Variants in GKAP1 observed in about 807,000 individuals in gnomAD.
GKAP1 encodes G kinase anchoring protein 1, also known as G kinase-anchoring protein 1.
GKAP1 carries 31 observed loss-of-function variants against 56.7 expected under a neutral mutation model. The observed-to-expected ratio is 0.55, with a 90% CI of 0.41 to 0.74. GKAP1 has a LOEUF of 0.74. Among genes scored for constraint, GKAP1 ranks in the 30% least tolerant of loss-of-function variants. The probability of loss-of-function intolerance (pLI) is 0.00; values close to 1 mark genes in which losing one functional copy is unlikely to be tolerated. For synonymous variants in GKAP1, 151 were observed against 138.6 expected (o/e 1.09, Z -0.63); for missense variants, 364 against 402.3 (o/e 0.90, Z 0.82).
Position 83,816,014 on chromosome 9 carries a change from C to T in GKAP1, c.-44+982G>A, listed in dbSNP as rs148300077. On this transcript the variant is annotated intron_variant, in intron 2 of 12. Transcript: ENST00000376371. ...CAGCCTGGCCAACAAGGCGAAACACCGTCTGTATTAAAAATACAAAAAAAA... is the reference window on the plus strand; with the variant it reads ...CAGCCTGGCCAACAAGGCGAAACACTGTCTGTATTAAAAATACAAAAAAAA... 5.8e-3 allele frequency among the ~76,000 whole-genome samples: 783 copies of T among 136,116 alleles called. 7 individuals are homozygous for T. Among genetic ancestry groups the T allele is most frequent in the African/African-American group, 0.02 (705 of 34,426 alleles). 89.3% of individuals were successfully genotyped at this position (136,116 alleles called of 152,430 possible).
chr9:83,771,952 C>A (rs796660790), intron 7 of GKAP1, among the ~76,000 whole-genome samples: 9 of 148,406 alleles, frequency 6.1e-5, no homozygotes, highest in Middle Eastern at 6.9e-3. Context: ...TCACAAAGGG[C>A]ATTCTGTCCC....
intron 7 of GKAP1, among the ~76,000 whole-genome samples, chr9:83,771,234 TTTG>T (rs1416993021): frequency 8.8e-6 from 1 of 114,222 alleles, no homozygotes; most frequent in African/African-American, 3.0e-5. Flanking sequence ...GGCTAATTTT[TTTG>T]TTGTTTGTTT....
At chr9:83,817,321 GC>G (rs1170682052) in intron 1 of GKAP1, 194 bp from the exon 2 acceptor site, 2 of 151,924 alleles carry the variant, frequency 1.3e-5, no homozygotes, top group Non-Finnish European at 2.9e-5. Flanking sequence ...GCCGCCCCGA[GC>G]CTTGCGCCGA....
intron 3 of GKAP1, among the ~76,000 whole-genome samples, chr9:83,800,906 C>T (rs1419967986): frequency 6.6e-6 from 1 of 152,204 alleles, no homozygotes; most frequent in Non-Finnish European, 1.5e-5. Flanking sequence ...TGAATCTATT[C>T]TGGTTCTGGG....
intron 10 of GKAP1, among the ~76,000 whole-genome samples, chr9:83,745,232 T>C (rs7048546): frequency 0.56 from 85,628 of 151,832 alleles, 24,744 homozygotes; most frequent in Admixed American, 0.7. Flanking sequence ...CAAGGTTTTG[T>C]CATGTTGCCC....
At chr9:83,811,038 TTA>T (rs1944499302) in intron 2 of GKAP1, among the ~76,000 whole-genome samples, 1 of 152,210 alleles carries the variant, frequency 6.6e-6, no homozygotes, top group African/African-American at 2.4e-5. Flanking sequence ...AAATACCACT[TTA>T]TATATGTCCA....
chr9:83,775,010 T>C (rs1271236698), intron 7 of GKAP1, among the ~76,000 whole-genome samples: 1 of 99,058 alleles, frequency 1.0e-5, no homozygotes, highest in African/African-American at 3.2e-5. Flanking sequence ...CCCGGCCCCT[T>C]CTTTTTTTTT....
chr9:83,797,119 G>A (rs959227387), intron 4 of GKAP1, among the ~76,000 whole-genome samples: 1 of 152,308 alleles, frequency 6.6e-6, no homozygotes, highest in Middle Eastern at 3.4e-3. Context: ...ATCTGGTTAG[G>A]TGTTTAATTC....
chr9:83,769,924 T>C (rs1943728177), intron 7 of GKAP1, among the ~76,000 whole-genome samples: 1 of 152,250 alleles, frequency 6.6e-6, no homozygotes, highest in Admixed American at 6.5e-5. Flanking sequence ...TGCTATCTCA[T>C]TGCGGTTTTC....
intron 9 of GKAP1, among the ~76,000 whole-genome samples, chr9:83,752,764 A>G (rs1943412046): frequency 6.6e-6 from 1 of 152,130 alleles, no homozygotes; most frequent in African/African-American, 2.4e-5. Flanking sequence ...ACCACAATAA[A>G]GTGGATTTTT....
chr9:83,779,511 GTA>G (rs1189340369), intron 7 of GKAP1, among the ~76,000 whole-genome samples: 7 of 104,704 alleles, frequency 6.7e-5, no homozygotes, highest in South Asian at 3.0e-4. Flanking sequence ...ACATATATGT[GTA>G]TATATATACA....
intron 6 of GKAP1, among the ~76,000 whole-genome samples, chr9:83,784,256 GA>G (rs1296979836): frequency 6.7e-6 from 1 of 149,918 alleles, no homozygotes; most frequent in Non-Finnish European, 1.5e-5. Flanking sequence ...TACAGAGTGA[GA>G]CTCCATCTAA....
chr9:83,766,989 C>G lies in GKAP1; in HGVS notation c.738+1829G>C, dbSNP rs755594918. ...CATGGGGACATTAGTGAAATTACTA[C>G]AAGTTTCAAGCTAGGAGAATTGATG... On this transcript the variant is annotated intron_variant, in intron 8 of 12. Transcript: ENST00000376371. Among the ~76,000 whole-genome samples the G allele has an allele frequency of 5.3e-5, 8 of 152,134 alleles. No individual in the cohort carries two copies. In the South Asian group the frequency reaches 1.7e-3, roughly 31 times the overall value.
chr9:83,748,225 G>C, intron 10 of GKAP1, 84 bp downstream of exon 10: 2 of 862,138 alleles, frequency 2.3e-6, no homozygotes, highest in Non-Finnish European at 3.7e-6. Flanking sequence ...CTTTTGTTGA[G>C]TTGGTAAATC....
intron 7 of GKAP1, among the ~76,000 whole-genome samples, chr9:83,772,702 T>C (rs1203714928): frequency 2.6e-5 from 4 of 152,160 alleles, no homozygotes; most frequent in Admixed American, 6.6e-5. Context: ...ATGTATCTGA[T>C]AGAGGACTTG....
intron 10 of GKAP1, 40 bp from the exon 11 acceptor site, chr9:83,742,640 C>A: frequency 2.3e-6 from 3 of 1,288,102 alleles, no homozygotes; most frequent in South Asian, 2.4e-5. Flanking sequence ...ATTTTCCAGT[C>A]ACCCAAATAC....
At chr9:83,803,284 G>A (rs1044786168) in intron 3 of GKAP1, among the ~76,000 whole-genome samples, 14 of 145,386 alleles carry the variant, frequency 9.6e-5, no homozygotes, top group South Asian at 2.2e-4. Flanking sequence ...CTCTTTCCAC[G>A]GTCTCCCTCT....
At chr9:83,759,610 CA>C in intron 8 of GKAP1, among the ~76,000 whole-genome samples, 1 of 152,130 alleles carries the variant, frequency 6.6e-6, no homozygotes, top group Non-Finnish European at 1.5e-5. Context: ...GAGTTTTGAA[CA>C]TTTTTTTTGG....
chr9:83,779,461 A>ACACACG (rs1286080757), intron 7 of GKAP1, among the ~76,000 whole-genome samples: 33 of 94,138 alleles, frequency 3.5e-4, no homozygotes, highest in African/African-American at 9.6e-4. Context: ...ACACACACAC[A>ACACACG]CACGCACATA....
Sources: gnomAD v4.1 joint callset for allele counts (sites outside exome capture counted in the v4.1 genomes callset) on GRCh38, gnomAD v4.1.1 for gene constraint, MANE v1.5 for transcripts, NCBI Gene and HGNC (gene_info 2026-07-23, HGNC 2026-07-21) for gene names.